The following PRPSAP2 variants were observed in gnomAD, a reference collection of about 807,000 sequenced individuals.
PRPSAP2 encodes phosphoribosyl pyrophosphate synthase-associated protein 2.
In PRPSAP2, 24 loss-of-function variants were observed where a neutral mutation model predicts 40.6. The observed-to-expected ratio is 0.59, with a 90% confidence interval of 0.43 to 0.83. PRPSAP2 has a LOEUF of 0.83. Ranked by LOEUF, PRPSAP2 falls within the 40% of genes least tolerant of loss-of-function variation. PRPSAP2 has a pLI of 0.00. For missense variants in PRPSAP2, 292 were observed against 465.6 expected (o/e 0.63, Z 3.43); for synonymous variants, 149 against 164.7 (o/e 0.90, Z 0.73).
At chr17:18,860,706 G>C (rs1029817350) in intron 1 of PRPSAP2, 1 of 152,184 alleles carries the variant, frequency 6.6e-6, no homozygotes, top group Non-Finnish European at 1.5e-5. Context: ...TTACACAGTA[G>C]ATGCTTTAGA....
intron 4 of PRPSAP2, among the ~76,000 whole-genome samples, chr17:18,870,557 C>G (rs1218700306): frequency 6.6e-6 from 1 of 152,030 alleles, no homozygotes; most frequent in Non-Finnish European, 1.5e-5. Context: ...CCTGTAATCC[C>G]AGCACTTTGT....
intron 8 of PRPSAP2, among the ~76,000 whole-genome samples, chr17:18,905,368 G>A (rs1189167654): frequency 2.0e-5 from 3 of 151,942 alleles, no homozygotes; most frequent in African/African-American, 7.3e-5. Flanking sequence ...TGTAGAGGTT[G>A]GTATAATTGA....
chr17:18,865,338 G>C (rs1205769514), intron 1 of PRPSAP2, 131 bp from the exon 2 acceptor site: 1 of 152,184 alleles, frequency 6.6e-6, no homozygotes, highest in South Asian at 2.1e-4. Flanking sequence ...CTGAAAGGCC[G>C]GGAAAGGTTT....
chr17:18,922,529 A>G (rs1351801267), intron 9 of PRPSAP2, among the ~76,000 whole-genome samples: 2 of 152,064 alleles, frequency 1.3e-5, no homozygotes, highest in African/African-American at 4.8e-5. Context: ...CCTAATGGCT[A>G]ATGACTTCAT....
At chr17:18,894,132 C>T (rs1230211883) in intron 8 of PRPSAP2, among the ~76,000 whole-genome samples, 3 of 151,736 alleles carry the variant, frequency 2.0e-5, no homozygotes, top group Non-Finnish European at 4.4e-5. Flanking sequence ...GGATTACAGA[C>T]GTGAGCCACC....
intron 11 of PRPSAP2, among the ~76,000 whole-genome samples, chr17:18,929,976 G>A (rs1567762055): frequency 6.6e-6 from 1 of 152,044 alleles, no homozygotes; most frequent in Non-Finnish European, 1.5e-5. Flanking sequence ...TCCCACAGCC[G>A]TGAGTTGGGG....
chr17:18,879,050 A>G (rs1367143576), intron 6 of PRPSAP2, among the ~76,000 whole-genome samples: 1 of 151,874 alleles, frequency 6.6e-6, no homozygotes, highest in Non-Finnish European at 1.5e-5. Context: ...TTGTATTTTT[A>G]GTAGAGATGG....
At position 18,882,662 on chromosome 17, in the gene PRPSAP2, A is replaced by G. The variant is rs763492500; in HGVS notation, c.507A>G (p.Leu169=). ...ACAATTTAAGAGCATCTCCCTTCTT[A>G]TTACAGTATATTCAAGAAGAGGTGA... ...PVDNLRASPF[L]LQYIQEEIPD... is the part of the protein sequence containing the mutation. The change falls in exon 7 of 12, where the codon TTA becomes TTG. Residue 169 remains leucine (L), a synonymous_variant. Transcript: ENST00000268835. 6.3e-7 allele frequency: 1 copy of G among 1,586,282 alleles called. No homozygotes were observed. The highest frequency in any genetic ancestry group is 1.7e-5 in the Admixed American group (1 of 59,708).
intron 9 of PRPSAP2, among the ~76,000 whole-genome samples, chr17:18,916,655 T>TA (rs2041337924): frequency 6.6e-6 from 1 of 152,166 alleles, no homozygotes; most frequent in African/African-American, 2.4e-5. Context: ...GTACTGGAAT[T>TA]ACAGGCATGA....
intron 9 of PRPSAP2, among the ~76,000 whole-genome samples, chr17:18,918,852 T>C (rs997036747): frequency 6.6e-6 from 1 of 152,162 alleles, no homozygotes; most frequent in African/African-American, 2.4e-5. Context: ...ATTAGTGAAG[T>C]TTTATTGACT....
Position 18,879,998 on chromosome 17 carries a change from A to T in PRPSAP2, c.412+2128A>T, listed in dbSNP as rs548478293. On this transcript the variant is annotated intron_variant, in intron 6 of 11. Coordinates refer to ENST00000268835, the MANE Select transcript of PRPSAP2 (RefSeq NM_002767.4). ...GTAATCCCAGCTACTCGGGAGTCTG[A>T]GGCAGGAGAATTGCTTGAACCCGGG... Among the ~76,000 whole-genome samples, 16 of 152,202 alleles carry T rather than the reference A, an allele frequency of 1.1e-4. No homozygotes were observed. The East Asian group carries it at 3.1e-3, about 30-fold the overall frequency.
At chr17:18,896,727 C>A (rs143577298) in intron 8 of PRPSAP2, among the ~76,000 whole-genome samples, 2 of 151,558 alleles carry the variant, frequency 1.3e-5, no homozygotes, top group East Asian at 3.9e-4. Context: ...TAAGTTTGAT[C>A]ATATTCTCCA....
In PRPSAP2 at chr17:18,926,591, T is replaced by C. The variant is rs564637440; in HGVS notation, c.805-2220T>C. 5.3e-5 allele frequency among the ~76,000 whole-genome samples: 8 copies of C among 152,092 alleles called. 1 individual carries two copies. The South Asian group carries it at 1.7e-3, about 32-fold the overall frequency. On this transcript the variant is annotated intron_variant, in intron 10 of 11. Transcript: ENST00000268835. ...CGCCAGTGCATTTTTTAAAAAAACGTTTTTATTTTGAAGTAATTATAGATC... is the reference window on the plus strand; with the variant it reads ...CGCCAGTGCATTTTTTAAAAAAACGCTTTTATTTTGAAGTAATTATAGATC...
Position 18,866,178 on chromosome 17 carries a change from C to T in PRPSAP2, c.119+226C>T, listed in dbSNP as rs530866924. Among the ~76,000 whole-genome samples the T allele has an allele frequency of 4.8e-4, 73 of 151,970 alleles. 2 individuals are homozygous for T. Among genetic ancestry groups the T allele is most frequent in the Admixed American group, 1.5e-3 (23 of 15,228 alleles). On this transcript the variant is annotated intron_variant, in intron 3 of 11. Coordinates refer to ENST00000268835, the MANE Select transcript of PRPSAP2 (RefSeq NM_002767.4). ...ATTCTTTTTGTAAACTATCCCATCT[C>T]CCTACATATTCTTTCAGCAGACATT...
chr17:18,920,247 T>C (rs1349393342), intron 9 of PRPSAP2, among the ~76,000 whole-genome samples: 1 of 152,158 alleles, frequency 6.6e-6, no homozygotes, highest in Non-Finnish European at 1.5e-5. Context: ...GAACGCTGCT[T>C]CTTTGGAACT....
At chr17:18,908,182 G>A (rs766207244) in intron 8 of PRPSAP2, 3 of 624,990 alleles carry the variant, frequency 4.8e-6, no homozygotes, top group African/African-American at 3.7e-5. Flanking sequence ...AGCCAGATGC[G>A]GTGGGAAGAA....
intron 8 of PRPSAP2, among the ~76,000 whole-genome samples, chr17:18,897,343 T>A (rs1286628067): frequency 6.6e-6 from 1 of 152,188 alleles, no homozygotes; most frequent in East Asian, 1.9e-4. Context: ...TCCACAGTTA[T>A]GTAAAAGTTA....
Position 18,865,880 on chromosome 17 carries a change from C to T in PRPSAP2, c.47C>T (p.Thr16Ile), listed in dbSNP as rs1025993235. 5 of 1,546,162 alleles carry T rather than the reference C, an allele frequency of 3.2e-6. No homozygotes were observed. Among genetic ancestry groups the T allele is most frequent in the Middle Eastern group, 1.7e-4 (1 of 5,788 alleles). ...PPELETKMNI[T>I]KGGLVLFSAN... ...GAATTAGAAACCAAGATGAACATAA[C>T]CAAAGGTGGTCTGGTGTTGTTTTCA... The change falls in exon 3 of 12, where the codon ACC becomes ATC. Residue 16 changes from threonine (T) to isoleucine (I), a missense_variant. This residue lies in a region of PRPSAP2 where 51 missense variants were observed against 40.0 expected (regional missense o/e 1.28). Coordinates refer to ENST00000268835, the MANE Select transcript of PRPSAP2 (RefSeq NM_002767.4).
chr17:18,925,878 G>A (rs528938866), intron 10 of PRPSAP2, among the ~76,000 whole-genome samples: 13 of 152,270 alleles, frequency 8.5e-5, no homozygotes, highest in African/African-American at 2.4e-4. Flanking sequence ...TTGGGAGGCC[G>A]AGACGGGTGT....
Sources: allele counts gnomAD v4.1 joint callset (sites outside exome capture counted in the v4.1 genomes callset), GRCh38; gene constraint gnomAD v4.1.1; regional missense constraint gnomAD v4.1.1; transcripts MANE v1.5; gene names NCBI Gene and HGNC (gene_info 2026-07-23, HGNC 2026-07-21).